Variants in TRAPPC9 observed in about 807,000 individuals in gnomAD.
TRAPPC9 encodes trafficking protein particle complex subunit 9.
A neutral mutation model predicts 124.0 loss-of-function variants in TRAPPC9; 83 were observed. The ratio of observed to expected loss-of-function variants is 0.67; its 90% CI spans 0.56 to 0.80. The LOEUF is 0.80. Ranked by LOEUF, TRAPPC9 falls within the 30% of genes least tolerant of loss-of-function variation. The pLI is 0.00. For missense variants in TRAPPC9, 1,302 were observed against 1,508.3 expected (o/e 0.86, Z 2.27); for synonymous variants, 638 against 617.5 (o/e 1.03, Z -0.49).
chr8:139,802,219 G>C (rs1440108578), intron 21 of TRAPPC9, among the ~76,000 whole-genome samples: 1 of 152,194 alleles, frequency 6.6e-6, no homozygotes, highest in African/African-American at 2.4e-5. Flanking sequence ...AATGTACTTG[G>C]AGTGAAGACT....
At chr8:140,341,527 T>G (rs552861551) in intron 9 of TRAPPC9, among the ~76,000 whole-genome samples, 1 of 152,200 alleles carries the variant, frequency 6.6e-6, no homozygotes, top group Non-Finnish European at 1.5e-5. Flanking sequence ...GACAAACCTT[T>G]CTTTTGTTCT....
At chr8:140,359,336 G>C (rs914395445) in intron 9 of TRAPPC9, among the ~76,000 whole-genome samples, 2 of 152,196 alleles carry the variant, frequency 1.3e-5, no homozygotes, top group Non-Finnish European at 2.9e-5. Flanking sequence ...GGTACAAGGA[G>C]GAAGGCAGGT....
Position 140,157,002 on chromosome 8 carries a change from T to TTTCCATTCAAAAGCCTCCC in TRAPPC9, c.2556+64456_2556+64457insGGGAGGCTTTTGAATGGAA, listed in dbSNP as rs151118440. Among the ~76,000 whole-genome samples, 26 of 22,130 alleles carry TTTCCATTCAAAAGCCTCCC rather than the reference T, an allele frequency of 1.2e-3. 2 individuals carry two copies. The highest frequency in any genetic ancestry group is 1.4e-3 in the African/African-American group (7 of 5,042). 14.5% of individuals were successfully genotyped at this position (22,130 alleles called of 152,430 possible). On this transcript the variant is annotated intron_variant, in intron 17 of 22. Transcript: ENST00000438773. Reference sequence around the variant, plus strand: ...CTCCCTTTCCATTCAAAAGCCTCCCTTTTCCATTCAGAAGCCTCCCTTTTC... The same window carrying TTTCCATTCAAAAGCCTCCC: ...CTCCCTTTCCATTCAAAAGCCTCCCTTTCCATTCAAAAGCCTCCCTTTCCATTCAGAAGCCTCCCTTTTC...
At chr8:139,750,580 A>G (rs1433143881) in intron 21 of TRAPPC9, among the ~76,000 whole-genome samples, 1 of 152,178 alleles carries the variant, frequency 6.6e-6, no homozygotes, top group Non-Finnish European at 1.5e-5. Flanking sequence ...AGCCTGAACT[A>G]GAGAAGAGAG....
chr8:140,371,683 T>C (rs1381140249), intron 7 of TRAPPC9, among the ~76,000 whole-genome samples: 3 of 152,160 alleles, frequency 2.0e-5, no homozygotes, highest in Non-Finnish European at 4.4e-5. Flanking sequence ...AACCCTGTAG[T>C]GTAGCAATCA....
intron 17 of TRAPPC9, among the ~76,000 whole-genome samples, chr8:140,190,674 T>C (rs1045330749): frequency 6.6e-6 from 1 of 152,238 alleles, no homozygotes; most frequent in Non-Finnish European, 1.5e-5. Context: ...GGCAAAAAGC[T>C]GTGCGGAAGA....
intron 14 of TRAPPC9, among the ~76,000 whole-genome samples, chr8:140,276,276 T>C (rs1431577570): frequency 1.3e-5 from 2 of 152,284 alleles, no homozygotes; most frequent in East Asian, 3.9e-4. Context: ...GCTGCTAACA[T>C]AGAGCTGAGG....
Position 140,031,837 on chromosome 8 carries a change from G to T in TRAPPC9, c.2557-7758C>A, listed in dbSNP as rs762674432. On this transcript the variant is annotated intron_variant, in intron 17 of 22. Transcript: ENST00000438773. ...AACAGCTTCCAGCCAAGAGGCCCAG[G>T]AGTCCCGTGGTGGCTGAGAAGAGTT... Among the ~76,000 whole-genome samples, 82 of 152,288 alleles carry T rather than the reference G, an allele frequency of 5.4e-4. 1 individual carries two copies. Among genetic ancestry groups the T allele is most frequent in the Middle Eastern group, 3.4e-3 (1 of 294 alleles).
intron 21 of TRAPPC9, among the ~76,000 whole-genome samples, chr8:139,806,409 C>T (rs917506984): frequency 1.3e-5 from 2 of 152,178 alleles, no homozygotes; most frequent in African/African-American, 4.8e-5. Flanking sequence ...TGGACTAAAA[C>T]GCAGGCACAT....
At chr8:139,807,797 A>T (rs754023447) in intron 21 of TRAPPC9, among the ~76,000 whole-genome samples, 1 of 152,182 alleles carries the variant, frequency 6.6e-6, no homozygotes, top group Non-Finnish European at 1.5e-5. Flanking sequence ...AGCTCAATAT[A>T]AATCAGATAA....
At chr8:139,823,677 G>A (rs759417343) in intron 21 of TRAPPC9, among the ~76,000 whole-genome samples, 1 of 152,198 alleles carries the variant, frequency 6.6e-6, no homozygotes, top group Non-Finnish European at 1.5e-5. Context: ...CTTGTCTGCT[G>A]ACGGACAGTG....
rs59675753 is a variant in TRAPPC9 at position 139,947,924 on chromosome 8, CGA to C, written c.2811-37626_2811-37625del. Among the ~76,000 whole-genome samples, 33 of 83,462 alleles carry C rather than the reference CGA, an allele frequency of 4.0e-4. 1 individual carries two copies. Among genetic ancestry groups the C allele is most frequent in the African/African-American group, 4.6e-4 (9 of 19,672 alleles). 54.8% of individuals were successfully genotyped at this position (83,462 alleles called of 152,430 possible). A position where few individuals can be genotyped will look rare whatever the true frequency, so the allele number is the denominator to read the frequency against. ...TATATATATAGAGAGAGAGAGAGAG[CGA>C]GAGAGAGAGAGAGAGAGAGTATAAG... On this transcript the variant is annotated intron_variant, in intron 19 of 22. Transcript: ENST00000438773.
At chr8:139,892,015 C>T (rs1830381686) in intron 20 of TRAPPC9, among the ~76,000 whole-genome samples, 1 of 152,232 alleles carries the variant, frequency 6.6e-6, no homozygotes, top group Non-Finnish European at 1.5e-5. Context: ...AACTGGGCAA[C>T]AATACCAGGC....
At chr8:140,128,972 AAT>A (rs1554629004) in intron 17 of TRAPPC9, among the ~76,000 whole-genome samples, 8 of 123,186 alleles carry the variant, frequency 6.5e-5, no homozygotes, top group Middle Eastern at 4.0e-3. Context: ...ACTATAATAA[AAT>A]ATATATATAT....
intron 19 of TRAPPC9, among the ~76,000 whole-genome samples, chr8:139,988,215 C>A (rs56039446): frequency 6.6e-6 from 1 of 150,556 alleles, no homozygotes; most frequent in African/African-American, 2.5e-5. Flanking sequence ...CGGGTTCAAG[C>A]GATTCTCCTG....
intron 21 of TRAPPC9, among the ~76,000 whole-genome samples, chr8:139,881,730 A>AGAAAAAAACAGCTGGCC (rs1829686678): frequency 1.3e-5 from 2 of 151,034 alleles, no homozygotes; most frequent in African/African-American, 4.9e-5. Context: ...TCTCTATGCC[A>AGAAAAAAACAGCTGGCC]TGCAAACGAG....
Position 140,087,736 on chromosome 8 carries a change from G to T in TRAPPC9, c.2557-63657C>A, listed in dbSNP as rs760837930. Among the ~76,000 whole-genome samples the T allele has an allele frequency of 6.6e-6, 1 of 151,940 alleles. No individual in the cohort carries two copies. The highest frequency in any genetic ancestry group is 2.4e-5 in the African/African-American group (1 of 41,346). On this transcript the variant is annotated intron_variant, in intron 17 of 22. Coordinates refer to ENST00000438773, the MANE Select transcript of TRAPPC9 (RefSeq NM_001160372.4). This position sits in a 1 kb window ranked among gnomAD's most constrained non-coding sequence, Gnocchi z 4.6. ...CACCTCGTCTCCCCTGCCTCTACTC[G>T]TCCACGTTTCCCTCTCCACCCTGCA...
chr8:139,858,581 AG>A (rs1827941805), intron 21 of TRAPPC9, among the ~76,000 whole-genome samples: 1 of 152,200 alleles, frequency 6.6e-6, no homozygotes, highest in Non-Finnish European at 1.5e-5. Context: ...GGGGACAGCC[AG>A]GAAGGCCCCA....
chr8:139,764,705 G>A (rs888102691), intron 21 of TRAPPC9, among the ~76,000 whole-genome samples: 1 of 152,126 alleles, frequency 6.6e-6, no homozygotes, highest in African/African-American at 2.4e-5. Context: ...TCCCTGTCCT[G>A]GTGTGTACGT....
Sources: gnomAD v4.1 joint callset for allele counts (sites outside exome capture counted in the v4.1 genomes callset) on GRCh38, gnomAD v4.1.1 for gene constraint, Gnocchi (gnomAD v3.1) non-coding constraint, MANE v1.5 for transcripts, NCBI Gene and HGNC (gene_info 2026-07-23, HGNC 2026-07-21) for gene names.